The following CDH12 variants were observed in gnomAD, a reference collection of about 807,000 sequenced individuals.
CDH12 encodes the protein cadherin 12, also known as cadherin-12.
A neutral mutation model predicts 74.1 loss-of-function variants in CDH12; 41 were observed. The observed-to-expected ratio is 0.55, with a 90% CI of 0.43 to 0.72. The LOEUF is 0.72. Ranked by LOEUF, CDH12 falls within the 30% of genes least tolerant of loss-of-function variation. CDH12 has a pLI of 0.00. For missense variants in CDH12, 945 were observed against 977.2 expected, an observed-to-expected ratio of 0.97 and a Z score of 0.44; for synonymous variants, 399 against 355.0, an observed-to-expected ratio of 1.12 and a Z score of -1.39.
intron 1 of CDH12, among the ~76,000 whole-genome samples, chr5:22,579,086 C>T (rs1739947023): frequency 6.6e-6 from 1 of 152,056 alleles, no homozygotes; most frequent in African/African-American, 2.4e-5. Flanking sequence ...ACATTAAAAC[C>T]TCAAACCTAA....
intron 4 of CDH12, among the ~76,000 whole-genome samples, chr5:22,190,490 T>G (rs928381248): frequency 5.3e-5 from 8 of 152,178 alleles, no homozygotes; most frequent in Non-Finnish European, 7.3e-5. Context: ...AATGAGTGTT[T>G]TCTTTCCTTT....
chr5:21,765,015 T>C lies in CDH12; in HGVS notation c.1478A>G (p.Tyr493Cys), dbSNP rs370639925. 2 of 1,613,628 alleles carry C rather than the reference T, an allele frequency of 1.2e-6. No homozygotes were observed. Among genetic ancestry groups the C allele is most frequent in the Non-Finnish European group, 1.7e-6 (2 of 1,179,684 alleles). ...NEFPPEISVPYETAVCENAKP... is the reference protein window; with the variant it reads ...NEFPPEISVPCETAVCENAKP... ...GGCATTTTCACACACGGCTGTCTCATATGGCACAGATATTTCTGGAGGAAA... is the reference window on the plus strand; with the variant it reads ...GGCATTTTCACACACGGCTGTCTCACATGGCACAGATATTTCTGGAGGAAA... The change falls in exon 12 of 15, where the codon TAT becomes TGT. Residue 493 changes from tyrosine (Y) to cysteine (C), a missense_variant. Around this residue, in one of 3 missense-constraint regions of CDH12, gnomAD observed 791 missense variants for 792.8 expected, o/e 1.00. Coordinates refer to ENST00000382254, the MANE Select transcript of CDH12 (RefSeq NM_004061.5).
At chr5:22,304,159 G>A (rs952284873) in intron 3 of CDH12, among the ~76,000 whole-genome samples, 1 of 152,040 alleles carries the variant, frequency 6.6e-6, no homozygotes, top group African/African-American at 2.4e-5. Flanking sequence ...AGGCAGCTAC[G>A]TAATTTAATA....
At chr5:22,380,998 A>T (rs560445963) in intron 3 of CDH12, among the ~76,000 whole-genome samples, 10 of 152,230 alleles carry the variant, frequency 6.6e-5, no homozygotes, top group South Asian at 4.1e-4. Flanking sequence ...GTGCTGGAGG[A>T]TATGACACTG....
At chr5:21,965,659 T>C (rs1368161944) in intron 6 of CDH12, among the ~76,000 whole-genome samples, 4 of 152,022 alleles carry the variant, frequency 2.6e-5, no homozygotes, top group Non-Finnish European at 5.9e-5. Context: ...TGCCAACCTG[T>C]GATACCTTCA....
At chr5:22,113,507 C>A (rs367733990) in intron 4 of CDH12, among the ~76,000 whole-genome samples, 2 of 152,064 alleles carry the variant, frequency 1.3e-5, no homozygotes, top group African/African-American at 4.8e-5. Context: ...TTAAATTTAC[C>A]TATAGCCTGG....
chr5:22,068,372 T>C (rs1280726354), intron 5 of CDH12, among the ~76,000 whole-genome samples: 1 of 152,184 alleles, frequency 6.6e-6, no homozygotes, highest in Non-Finnish European at 1.5e-5. Context: ...TTCTTCATGA[T>C]AAGCAAGCAC....
intron 4 of CDH12, among the ~76,000 whole-genome samples, chr5:22,186,503 G>A (rs776440372): frequency 5.9e-5 from 9 of 152,082 alleles, no homozygotes; most frequent in Non-Finnish European, 1.3e-4. Context: ...CAGAGTCTCC[G>A]TCTTTTGCCC....
intron 1 of CDH12, among the ~76,000 whole-genome samples, chr5:22,626,049 C>T (rs1489275099): frequency 6.6e-6 from 1 of 152,100 alleles, no homozygotes; most frequent in Non-Finnish European, 1.5e-5. Flanking sequence ...CCACCACCAG[C>T]ATGCTAACCC....
In CDH12 at chr5:21,828,908, CTTTTTTTTTT is replaced by C. The variant is rs70957070; in HGVS notation, c.815-11786_815-11777del. 3.4e-3 allele frequency among the ~76,000 whole-genome samples: 408 copies of C among 119,198 alleles called. 6 individuals carry two copies. Among genetic ancestry groups the C allele is most frequent in the South Asian group, 9.5e-3 (37 of 3,898 alleles). 78.2% of individuals were successfully genotyped at this position (119,198 alleles called of 152,430 possible). On this transcript the variant is annotated intron_variant, in intron 8 of 14. Transcript: ENST00000382254. ...GCTTACAACCCTTTAAATCCTATGTCTTTTTTTTTTTTTTTTTTTTTTTTGCAATGGTCTA... is the reference window on the plus strand; with the variant it reads ...GCTTACAACCCTTTAAATCCTATGTCTTTTTTTTTTTTTTGCAATGGTCTA...
At chr5:22,724,530 A>G (rs1744063578) in intron 1 of CDH12, among the ~76,000 whole-genome samples, 1 of 152,024 alleles carries the variant, frequency 6.6e-6, no homozygotes, top group Admixed American at 6.6e-5. Context: ...AATCACCTCC[A>G]GCTCCATTTC....
At chr5:22,122,182 CA>C (rs2150276391) in intron 4 of CDH12, among the ~76,000 whole-genome samples, 1 of 152,238 alleles carries the variant, frequency 6.6e-6, no homozygotes, top group East Asian at 1.9e-4. Flanking sequence ...GTGGGTGAAT[CA>C]CCTGAGGTCA....
chr5:22,124,375 C>T (rs1264698476), intron 4 of CDH12, among the ~76,000 whole-genome samples: 2 of 152,032 alleles, frequency 1.3e-5, no homozygotes, highest in South Asian at 2.1e-4. Context: ...CCGCACGACT[C>T]GGCCTCCCAA....
chr5:22,756,733 A>C (rs944346775), intron 1 of CDH12, among the ~76,000 whole-genome samples: 1 of 152,064 alleles, frequency 6.6e-6, no homozygotes, highest in Admixed American at 6.5e-5. Context: ...AGCCTGAGGC[A>C]GGTGGATCAC....
chr5:22,541,283 C>A (rs1047307524), intron 1 of CDH12, among the ~76,000 whole-genome samples: 2 of 152,154 alleles, frequency 1.3e-5, no homozygotes, highest in Non-Finnish European at 2.9e-5. Context: ...TTTGGCAGTT[C>A]GCCAGAAACT....
At chr5:21,885,995 C>T (rs1371341237) in intron 6 of CDH12, among the ~76,000 whole-genome samples, 1 of 152,020 alleles carries the variant, frequency 6.6e-6, no homozygotes, top group African/African-American at 2.4e-5. Flanking sequence ...ATGTGAACTT[C>T]CTTGAATTTG....
chr5:21,781,359 A>AG (rs1745897688), intron 11 of CDH12, among the ~76,000 whole-genome samples: 1 of 152,108 alleles, frequency 6.6e-6, no homozygotes, highest in Non-Finnish European at 1.5e-5. Context: ...ACAGCAAATA[A>AG]TTCACAAAAT....
intron 6 of CDH12, among the ~76,000 whole-genome samples, chr5:21,934,953 A>AT (rs1755011325): frequency 1.3e-5 from 2 of 152,086 alleles, no homozygotes; most frequent in East Asian, 1.9e-4. Context: ...CGCCCGGCTA[A>AT]TTTTTTGTTT....
intron 6 of CDH12, among the ~76,000 whole-genome samples, chr5:21,948,351 A>T (rs1755673050): frequency 1.3e-5 from 2 of 152,206 alleles, no homozygotes; most frequent in Admixed American, 6.5e-5. Flanking sequence ...TTGCATTAAC[A>T]TGCCCTGGAT....
Sources: allele counts gnomAD v4.1 joint callset (sites outside exome capture counted in the v4.1 genomes callset), GRCh38; gene constraint gnomAD v4.1.1; regional missense constraint gnomAD v4.1.1; transcripts MANE v1.5; gene names NCBI Gene and HGNC (gene_info 2026-07-23, HGNC 2026-07-21).